HDHD2: variants seen among roughly 807,000 people sequenced by gnomAD.
The protein encoded by HDHD2 is haloacid dehalogenase like hydrolase domain containing 2.
In HDHD2, 26 loss-of-function variants were observed where a neutral mutation model predicts 24.8. The ratio of observed to expected loss-of-function variants is 1.05; its 90% CI spans 0.77 to 1.45. The LOEUF is 1.45. Among genes scored for constraint, HDHD2 ranks in the 40% most tolerant of loss-of-function variants. The pLI is 0.00. For synonymous variants in HDHD2, 128 were observed against 114.9 expected (o/e 1.11, Z -0.73); for missense variants, 299 against 313.4 (o/e 0.95, Z 0.35).
At chr18:47,139,710 C>T (rs908749294) in intron 1 of HDHD2, among the ~76,000 whole-genome samples, 1 of 152,080 alleles carries the variant, frequency 6.6e-6, no homozygotes, top group Non-Finnish European at 1.5e-5. Flanking sequence ...ACACTATCTC[C>T]AGGTAGACAG....
chr18:47,147,208 T>A (rs1293288047), intron 1 of HDHD2, among the ~76,000 whole-genome samples: 3 of 152,158 alleles, frequency 2.0e-5, no homozygotes, highest in Admixed American at 6.5e-5. Flanking sequence ...TCATAATGTA[T>A]CTGATGAAAG....
chr18:47,108,907 A>T, intron 6 of HDHD2, 122 bp from the exon 7 acceptor site: 2 of 615,744 alleles, frequency 3.2e-6, no homozygotes, highest in Non-Finnish European at 5.8e-6. Context: ...CAGGGGCTGC[A>T]CATCTCCCAA....
chr18:47,112,150 A>T (rs2144276374), intron 6 of HDHD2, among the ~76,000 whole-genome samples: 1 of 152,328 alleles, frequency 6.6e-6, no homozygotes, highest in African/African-American at 2.4e-5. Context: ...TAAGTTCCCA[A>T]TGCAATAATA....
chr18:47,140,667 C>T (rs2063811744), intron 1 of HDHD2, among the ~76,000 whole-genome samples: 1 of 152,070 alleles, frequency 6.6e-6, no homozygotes, highest in Admixed American at 6.6e-5. Flanking sequence ...CACAGGTGTG[C>T]ACCACCACGC....
Position 47,108,969 on chromosome 18 carries a change from T to A in HDHD2, c.677-184A>T, listed in dbSNP as rs2147453881. The A allele has an allele frequency of 8.9e-6, 5 of 558,744 alleles. No individual in the cohort carries two copies. In the South Asian group the frequency reaches 1.2e-4, roughly 14 times the overall value. The allele number at this position is 558,744 out of a possible 1,614,324, so 34.6% of individuals were successfully genotyped here. ...GTAAATGAGGCAATTCAAAGAAATG[T>A]CACATTCAGCCTTTCCCCAGGCCCT... On this transcript the variant is annotated intron_variant, in intron 6 of 6. Transcript: ENST00000300605.
At chr18:47,129,973 T>C (rs1428774503) in intron 4 of HDHD2, among the ~76,000 whole-genome samples, 1 of 152,052 alleles carries the variant, frequency 6.6e-6, no homozygotes, top group African/African-American at 2.4e-5. Context: ...ATCGAGGCTG[T>C]GGTGAGCCAT....
Position 47,123,855 on chromosome 18 carries a change from C to T in HDHD2, c.395+6389G>A, listed in dbSNP as rs186098924. Among the ~76,000 whole-genome samples, 6 of 152,298 alleles carry T rather than the reference C, an allele frequency of 3.9e-5. No homozygotes were observed. The East Asian group carries it at 1.2e-3, about 29-fold the overall frequency. ...AACTCCCAGCAGGCTTTGTTTGTGA[C>T]TTCAAAGTTGATTTCAAAATCTGTG... On this transcript the variant is annotated intron_variant, in intron 4 of 6. Coordinates refer to ENST00000300605, the MANE Select transcript of HDHD2 (RefSeq NM_032124.5).
chr18:47,119,510 C>A (rs543416352), intron 4 of HDHD2, among the ~76,000 whole-genome samples: 1 of 152,160 alleles, frequency 6.6e-6, no homozygotes, highest in Non-Finnish European at 1.5e-5. Context: ...ATCATGAGAT[C>A]GCAGCGATTC....
At chr18:47,143,139 A>C (rs2063834926) in intron 1 of HDHD2, among the ~76,000 whole-genome samples, 1 of 152,222 alleles carries the variant, frequency 6.6e-6, no homozygotes, top group South Asian at 2.1e-4. Context: ...GTGTCCAAGA[A>C]GCTATTTTTC....
rs2063491453 is a variant in HDHD2, at chr18:47,108,598, C to T, written c.*84G>A. 2 of 722,734 alleles carry T rather than the reference C, an allele frequency of 2.8e-6. No individual in the cohort carries two copies. Among genetic ancestry groups the T allele is most frequent in the Non-Finnish European group, 4.8e-6 (2 of 413,456 alleles). The allele number at this position is 722,734 out of a possible 1,614,324, so 44.8% of individuals were successfully genotyped here. ...AGCGATCAGCACTGACTGGTGTCTA[C>T]CGATGCTGGCACTGAGTTGGTAAGG... On this transcript the variant is annotated 3_prime_UTR_variant, in exon 7 of 7. Transcript: ENST00000300605.
At chr18:47,124,717 A>AC (rs1239124306) in intron 4 of HDHD2, among the ~76,000 whole-genome samples, 1 of 151,216 alleles carries the variant, frequency 6.6e-6, no homozygotes, top group Non-Finnish European at 1.5e-5. Flanking sequence ...AAAAAAAAAA[A>AC]AAAAAAAAAA....
At chr18:47,145,128 C>T (rs959754302) in intron 1 of HDHD2, among the ~76,000 whole-genome samples, 2 of 152,202 alleles carry the variant, frequency 1.3e-5, no homozygotes, top group South Asian at 2.1e-4. Context: ...CCTTGCTATA[C>T]GCCAATGGCA....
chr18:47,145,925 G>A (rs1241918193), intron 1 of HDHD2, among the ~76,000 whole-genome samples: 1 of 152,080 alleles, frequency 6.6e-6, no homozygotes. Context: ...AGATCTTAAC[G>A]TAGCCTTTAC....
At chr18:47,146,713 AG>A (rs2063874472) in intron 1 of HDHD2, among the ~76,000 whole-genome samples, 1 of 152,240 alleles carries the variant, frequency 6.6e-6, no homozygotes, top group Admixed American at 6.5e-5. Context: ...GAAATCTACT[AG>A]AGGGTGAAAA....
chr18:47,144,973 A>C (rs190594221), intron 1 of HDHD2, among the ~76,000 whole-genome samples: 2 of 152,312 alleles, frequency 1.3e-5, no homozygotes, highest in African/African-American at 4.8e-5. Flanking sequence ...CTTCTAATGT[A>C]ATTATCATAA....
chr18:47,123,023 C>G (rs1305705374), intron 4 of HDHD2, among the ~76,000 whole-genome samples: 1 of 152,104 alleles, frequency 6.6e-6, no homozygotes, highest in Non-Finnish European at 1.5e-5. Flanking sequence ...TATCTACTAT[C>G]ACCATGTTTA....
intron 1 of HDHD2, among the ~76,000 whole-genome samples, chr18:47,139,303 CAAA>C (rs34392866): frequency 7.0e-6 from 1 of 142,716 alleles, no homozygotes; most frequent in Admixed American, 7.0e-5. Context: ...CTAAAAAATA[CAAA>C]AAAAAAAAAA....
At chr18:47,141,198 T>A (rs947695926) in intron 1 of HDHD2, among the ~76,000 whole-genome samples, 1 of 152,222 alleles carries the variant, frequency 6.6e-6, no homozygotes. Flanking sequence ...CTACTACTTT[T>A]TCTGTATCCA....
At chr18:47,139,890 A>G (rs2063804556) in intron 1 of HDHD2, among the ~76,000 whole-genome samples, 1 of 152,230 alleles carries the variant, frequency 6.6e-6, no homozygotes, top group South Asian at 2.1e-4. Context: ...GTTTTCTTCC[A>G]GAATGGTAAT....
Sources: allele counts gnomAD v4.1 joint callset (sites outside exome capture counted in the v4.1 genomes callset), GRCh38; gene constraint gnomAD v4.1.1; transcripts MANE v1.5; gene names NCBI Gene and HGNC (gene_info 2026-07-23, HGNC 2026-07-21).